Variants in NFXL1 observed in about 807,000 individuals in gnomAD.
NFXL1 encodes the protein nuclear transcription factor, X-box binding like 1.
Under a neutral mutation model 123.3 loss-of-function variants are expected in NFXL1, and 66 were observed. The observed-to-expected ratio is 0.54, with a 90% confidence interval of 0.44 to 0.66. The LOEUF is 0.66. Among genes scored for constraint, NFXL1 ranks in the 30% least tolerant of loss-of-function variants. The probability of loss-of-function intolerance (pLI) is 0.00; values close to 1 mark genes in which losing one functional copy is unlikely to be tolerated. For missense variants in NFXL1, 944 were observed against 1,125.6 expected (o/e 0.84, Z 2.31); for synonymous variants, 346 against 360.8 (o/e 0.96, Z 0.46).
rs181308595 is a variant in NFXL1, at chr4:47,897,742, T to C, written c.1204+225A>G. Among the ~76,000 whole-genome samples, 36 of 152,258 alleles carry C rather than the reference T, an allele frequency of 2.4e-4. No individual in the cohort carries two copies. The South Asian group carries it at 2.5e-3, about 11-fold the overall frequency. On this transcript the variant is annotated intron_variant, in intron 9 of 22. Transcript: ENST00000507489. The stretch of plus-strand genomic sequence containing the variant: ...CCCTGAAAATCTTCTATGTCTCTCC[T>C]ATTCATCTCTCTCTCTCTCCCCAAC...
rs531616884 is a variant in NFXL1, at chr4:47,914,085, C to A, written c.119G>T (p.Gly40Val). ...GCCAGAAGGAACTGCGCCCACCGAC[C>A]CCTTCTCTCGCCCTCCTCCGGCGCC... ...LRGAGGGREK[G>V]SVGAVPSGTS... is the part of the protein sequence containing the mutation. The change falls in exon 2 of 23, where the codon GGG becomes GTG. Residue 40 changes from glycine to valine, a missense_variant. Around this residue, in one of 4 missense-constraint regions of NFXL1, gnomAD observed 303 missense variants for 292.1 expected, o/e 1.04. Transcript: ENST00000507489. 21 of 1,551,022 alleles carry A rather than the reference C, an allele frequency of 1.4e-5. No individual in the cohort carries two copies. The African/African-American group carries it at 2.3e-4, about 17-fold the overall frequency.
At chr4:47,858,299 G>C (rs373940227) in intron 19 of NFXL1, among the ~76,000 whole-genome samples, 76 of 152,244 alleles carry the variant, frequency 5.0e-4, no homozygotes, top group African/African-American at 1.8e-3. Context: ...TCAGTAACTG[G>C]AAAAGTTACT....
chr4:47,906,338 G>A (rs980977985), intron 3 of NFXL1, among the ~76,000 whole-genome samples: 4 of 152,096 alleles, frequency 2.6e-5, no homozygotes, highest in Non-Finnish European at 5.9e-5. Context: ...ACTTACCATG[G>A]CAATAACGTG....
At chr4:47,858,265 A>G (rs1347747401) in intron 19 of NFXL1, among the ~76,000 whole-genome samples, 5 of 152,268 alleles carry the variant, frequency 3.3e-5, no homozygotes, top group African/African-American at 1.2e-4. Context: ...ATCAATGGGA[A>G]GTTGAAAAAC....
intron 18 of NFXL1, 39 bp from the exon 19 acceptor site, chr4:47,862,954 C>T (rs1179832957): frequency 2.9e-6 from 3 of 1,034,148 alleles, no homozygotes; most frequent in Non-Finnish European, 4.4e-6. Flanking sequence ...AACAAAAATC[C>T]ATTTTATAGC....
chr4:47,869,122 G>A (rs1350375366), intron 18 of NFXL1, among the ~76,000 whole-genome samples: 2 of 152,140 alleles, frequency 1.3e-5, no homozygotes, highest in Non-Finnish European at 2.9e-5. Flanking sequence ...CTACTTGAGA[G>A]GCTGAGGCGG....
chr4:47,893,225 T>C lies in NFXL1; in HGVS notation c.1452+955A>G, dbSNP rs541356259. Among the ~76,000 whole-genome samples, 128 of 151,698 alleles carry C rather than the reference T, an allele frequency of 8.4e-4. No individual in the cohort carries two copies. The Middle Eastern group carries it at 0.017, about 20-fold the overall frequency. ...TTGGAAATTCAAGCAGCATATAACA[T>C]ACATGTCCTTAAAGTCTCAGAAGGT... On this transcript the variant is annotated intron_variant, in intron 11 of 22. Coordinates refer to ENST00000507489, the MANE Select transcript of NFXL1 (RefSeq NM_001278624.2).
At chr4:47,852,195 T>C (rs1051648083) in intron 20 of NFXL1, 4 of 389,390 alleles carry the variant, frequency 1.0e-5, no homozygotes, top group South Asian at 4.1e-5. Flanking sequence ...GTGCCACTAT[T>C]GGACTTAGCT....
At chr4:47,868,495 G>A (rs1735240527) in intron 18 of NFXL1, among the ~76,000 whole-genome samples, 1 of 151,448 alleles carries the variant, frequency 6.6e-6, no homozygotes, top group Non-Finnish European at 1.5e-5. Flanking sequence ...ATGAGAACCA[G>A]GTGATAAAAT....
At chr4:47,852,148 C>A (rs1488668585) in intron 20 of NFXL1, 2 of 449,998 alleles carry the variant, frequency 4.4e-6, no homozygotes, top group Admixed American at 4.1e-5. Context: ...AAAGAGAATA[C>A]CATAAAATTT....
intron 18 of NFXL1, among the ~76,000 whole-genome samples, chr4:47,863,197 TTAA>T (rs1313372714): frequency 3.3e-5 from 5 of 152,096 alleles, no homozygotes; most frequent in Admixed American, 6.5e-5. Flanking sequence ...TGGCCTCTCT[TTAA>T]TAGTTCCTGT....
At chr4:47,883,473 T>C (rs1299345731) in intron 15 of NFXL1, among the ~76,000 whole-genome samples, 3 of 152,132 alleles carry the variant, frequency 2.0e-5, no homozygotes, top group Admixed American at 1.3e-4. Context: ...AAAAGAATAG[T>C]CTCAAATAAC....
At chr4:47,911,105 T>G (rs1403070510) in intron 2 of NFXL1, 111 bp from the exon 3 acceptor site, 1 of 587,442 alleles carries the variant, frequency 1.7e-6, no homozygotes, top group East Asian at 3.2e-5. Flanking sequence ...CTTTGGAGCA[T>G]TCTACCTTCC....
At chr4:47,853,653 A>T (rs1357729763) in intron 20 of NFXL1, among the ~76,000 whole-genome samples, 9 of 152,114 alleles carry the variant, frequency 5.9e-5, no homozygotes, top group Non-Finnish European at 1.0e-4. Context: ...ACAGGAAAAA[A>T]ATATATATAC....
chr4:47,894,388 A>C, intron 10 of NFXL1, 86 bp from the exon 11 acceptor site: 1 of 927,126 alleles, frequency 1.1e-6, no homozygotes, highest in Non-Finnish European at 1.5e-6. Context: ...ATTAAAACAT[A>C]ATGAACAAAA....
At position 47,875,248 on chromosome 4, in the gene NFXL1, G is replaced by A. The variant is rs756955581; in HGVS notation, c.2125C>T (p.Arg709Trp). The A allele has an allele frequency of 3.7e-6, 6 of 1,613,060 alleles. No homozygotes were observed. In the South Asian group the frequency reaches 4.4e-5, roughly 12 times the overall value. ...LHCEEGCSKS[R>W]PLGCLHPCIL... ...CATGGGTGAAGACAACCTAGTGGCC[G>A]TGACTTGGAGCACCCTTCCTCACAA... Residue 709 changes from arginine to tryptophan, a missense_variant, in exon 18 of 23, where the codon CGG becomes TGG. Arg to Trp is a moderately radical substitution (Grantham distance 101). This residue lies in a region of NFXL1 where 301 missense variants were observed against 348.0 expected (regional missense o/e 0.86). Transcript: ENST00000507489.
chr4:47,878,631 T>G lies in NFXL1; in HGVS notation c.1973A>C (p.Tyr658Ser). 7 of 1,605,180 alleles carry G rather than the reference T, an allele frequency of 4.4e-6. No homozygotes were observed. Among genetic ancestry groups the G allele is most frequent in the Non-Finnish European group, 6.0e-6 (7 of 1,175,728 alleles). ...SPLPCHAVGP[Y>S]SCKRVCGRIL... ...TCTTCCACAAACTCTTTTACAAGAG[T>G]AGGGTCCTACAGCATGGCATGGTAG... Residue 658 changes from tyrosine (Y) to serine (S), a missense_variant, in exon 17 of 23, where the codon TAC becomes TCC. Physicochemically the swap from Tyr to Ser is moderately radical, Grantham distance 144. Transcript: ENST00000507489.
chr4:47,903,115 T>G, intron 5 of NFXL1, 78 bp downstream of exon 5: 1 of 997,924 alleles, frequency 1.0e-6, no homozygotes, highest in East Asian at 3.1e-5. Context: ...AGATCGCCAC[T>G]GCACTCCAGC....
rs186623034 is a variant in NFXL1 at position 47,890,400 on chromosome 4, G to A, written c.1543+213C>T. Among the ~76,000 whole-genome samples the A allele has an allele frequency of 8.5e-4, 129 of 152,290 alleles. 1 individual carries two copies. Among genetic ancestry groups the A allele is most frequent in the Admixed American group, 7.8e-3 (119 of 15,298 alleles). On this transcript the variant is annotated intron_variant, in intron 12 of 22. Coordinates refer to ENST00000507489, the MANE Select transcript of NFXL1 (RefSeq NM_001278624.2). ...GTTCAAATGTACTAGACATTTCCCT[G>A]AGTAAGTTACTGAACCCTCTTAAGC...
Sources: allele counts gnomAD v4.1 joint callset (sites outside exome capture counted in the v4.1 genomes callset), GRCh38; gene constraint gnomAD v4.1.1; regional missense constraint gnomAD v4.1.1; transcripts MANE v1.5; gene names NCBI Gene and HGNC (gene_info 2026-07-23, HGNC 2026-07-21).